The following PRR12 variants were observed in gnomAD, a reference collection of about 807,000 sequenced individuals.
The protein encoded by PRR12 is proline-rich protein 12.
In PRR12, 12 loss-of-function variants were observed where a neutral mutation model predicts 138.0. The observed-to-expected ratio is 0.09, with a 90% CI of 0.06 to 0.14. The LOEUF (loss-of-function observed/expected upper bound fraction) is 0.14. Ranked by LOEUF, PRR12 falls within the 10% of genes least tolerant of loss-of-function variation. PRR12 has a pLI of 1.00. For synonymous variants in PRR12, 1,567 were observed against 1,291.7 expected (o/e 1.21, Z -4.57); for missense variants, 2,692 against 2,861.3 (o/e 0.94, Z 1.35).
In PRR12 at chr19:49,624,311, GT is replaced by G. The variant is rs1568433286; in HGVS notation, c.5722-532del. Among the ~76,000 whole-genome samples the G allele has an allele frequency of 2.8e-3, 398 of 142,830 alleles. 8 individuals carry two copies. Among genetic ancestry groups the G allele is most frequent in the African/African-American group, 8.7e-3 (324 of 37,278 alleles). The allele number at this position is 142,830 out of a possible 152,430, so 93.7% of individuals were successfully genotyped here. The stretch of plus-strand genomic sequence containing the variant: ...AATTCTGGGGTAGGTGGTTAGGATG[GT>G]GCTGAGAATTCTGGGGTAGGTGGTT... On this transcript the variant is annotated intron_variant, in intron 11 of 13. Transcript: ENST00000418929.
Position 49,597,336 on chromosome 19 carries a change from G to T in PRR12, c.3001G>T (p.Ala1001Ser). Residue 1001 changes from alanine (A) to serine (S), a missense_variant, in exon 4 of 14, where the codon GCC becomes TCC. By Grantham distance (99) the Ala-to-Ser change is moderately conservative. This residue lies in a region of PRR12 where 840 missense variants were observed against 689.8 expected (regional missense o/e 1.22). Coordinates refer to ENST00000418929, the MANE Select transcript of PRR12 (RefSeq NM_020719.3). This position sits in a 1 kb window ranked among gnomAD's most constrained non-coding sequence, Gnocchi z 6.3. ...GPYCPGRASGAGPETPGLGLD... is the reference protein window; with the variant it reads ...GPYCPGRASGSGPETPGLGLD... The stretch of plus-strand genomic sequence containing the variant: ...CTACTGTCCTGGCCGGGCGTCGGGA[G>T]CCGGGCCCGAGACACCGGGCCTGGG... 1 of 1,542,540 alleles carries T rather than the reference G, an allele frequency of 6.5e-7. No individual in the cohort carries two copies. The highest frequency in any genetic ancestry group is 1.2e-5 in the South Asian group (1 of 84,214).
Position 49,596,620 on chromosome 19 carries a change from A to T in PRR12, c.2285A>T (p.Lys762Met). Residue 762 changes from lysine to methionine, a missense_variant, in exon 4 of 14, where the codon AAG (lysine) becomes ATG (methionine). Lys to Met is a moderately conservative substitution (Grantham distance 95). This residue lies in a region of PRR12 where 840 missense variants were observed against 689.8 expected (regional missense o/e 1.22). Transcript: ENST00000418929. This position sits in a 1 kb window ranked among gnomAD's most constrained non-coding sequence, Gnocchi z 5.6. The stretch of plus-strand genomic sequence containing the variant: ...AAGGAGCTGGGGGCCTTCTTGCAAA[A>T]GAGCCCTCCGCCCCCACCTCCCACG... Reference protein sequence around the residue: ...GAKELGAFLQKSPPPPPPTAQ... With the variant: ...GAKELGAFLQMSPPPPPPTAQ... 1 of 1,593,318 alleles carries T rather than the reference A, an allele frequency of 6.3e-7. No individual in the cohort carries two copies. The highest frequency in any genetic ancestry group is 1.1e-5 in the South Asian group (1 of 88,848).
intron 6 of PRR12, among the ~76,000 whole-genome samples, chr19:49,604,279 G>C (rs2080827178): frequency 6.6e-6 from 1 of 151,552 alleles, no homozygotes; most frequent in Non-Finnish European, 1.5e-5. Context: ...GAGGTGAGAG[G>C]CTCACTTGAG....
Position 49,616,393 on chromosome 19 carries a change from A to G in PRR12, c.5497+174A>G, listed in dbSNP as rs2080893549. 6.6e-6 allele frequency among the ~76,000 whole-genome samples: 1 copy of G among 152,084 alleles called. No individual in the cohort carries two copies. Among genetic ancestry groups the G allele is most frequent in the Admixed American group, 6.6e-5 (1 of 15,260 alleles). ...TCACTACACGACAGGCTGCCTCCTGAGAAGCTGATGGATGTTAACTTGTGT... is the reference window on the plus strand; with the variant it reads ...TCACTACACGACAGGCTGCCTCCTGGGAAGCTGATGGATGTTAACTTGTGT... On this transcript the variant is annotated intron_variant, in intron 9 of 13. Transcript: ENST00000418929. The surrounding 1 kb of genome is among the most constrained non-coding windows in gnomAD (Gnocchi z 4.2).
intron 11 of PRR12, among the ~76,000 whole-genome samples, chr19:49,622,039 C>T (rs1030974671): frequency 2.0e-5 from 3 of 148,254 alleles, no homozygotes; most frequent in Admixed American, 1.3e-4. Flanking sequence ...AATATCAGGG[C>T]TCTGAAATCC....
intron 11 of PRR12, 188 bp downstream of exon 11, chr19:49,621,810 T>G: frequency 1.7e-6 from 1 of 589,452 alleles, no homozygotes; most frequent in Non-Finnish European, 3.0e-6. Flanking sequence ...GAAGCCCATG[T>G]GGGGAGGAGC....
In PRR12 at chr19:49,595,055, C is replaced by T. The variant is rs1207078925; in HGVS notation, c.720C>T (p.His240=). The part of the protein sequence containing the change: ...GPPDPPPPPR[H]LPTQFNLLAS... The stretch of plus-strand genomic sequence containing the variant: ...CAGACCCACCACCACCTCCTCGCCA[C>T]CTCCCAACTCAGTTCAACCTGCTGG... Residue 240 remains histidine (H), a synonymous_variant, in exon 4 of 14, where the codon CAC becomes CAT. Transcript: ENST00000418929. 1.2e-6 allele frequency: 2 copies of T among 1,611,496 alleles called. No individual in the cohort carries two copies. The highest frequency in any genetic ancestry group is 2.2e-5 in the East Asian group (1 of 44,814).
chr19:49,625,787 C>G lies in PRR12; in HGVS notation c.*180C>G, dbSNP rs2080952124. ...AGTCCGACTCCCCCCCTCTCCCAAG[C>G]CCCCTCCACTCCCTCCCCATTCCTC... On this transcript the variant is annotated 3_prime_UTR_variant, in exon 14 of 14. Coordinates refer to ENST00000418929, the MANE Select transcript of PRR12 (RefSeq NM_020719.3). The surrounding 1 kb of genome is among the most constrained non-coding windows in gnomAD (Gnocchi z 5.5). The G allele has an allele frequency of 3.2e-6, 2 of 624,724 alleles. No homozygotes were observed. The highest frequency in any genetic ancestry group is 3.7e-5 in the Admixed American group (1 of 27,266). 38.7% of individuals were successfully genotyped at this position (624,724 alleles called of 1,614,324 possible). A position where few individuals can be genotyped will look rare whatever the true frequency, so the allele number is the denominator to read the frequency against.
intron 6 of PRR12, among the ~76,000 whole-genome samples, chr19:49,604,225 G>A (rs980205361): frequency 3.3e-5 from 5 of 152,002 alleles, no homozygotes; most frequent in African/African-American, 7.3e-5. Flanking sequence ...AGAGCAGGCC[G>A]GGAGTGGTGG....
At chr19:49,592,602 C>T (rs1001586817) in intron 1 of PRR12, among the ~76,000 whole-genome samples, 1 of 152,132 alleles carries the variant, frequency 6.6e-6, no homozygotes, top group Non-Finnish European at 1.5e-5. Context: ...CAGGGCATAA[C>T]CCCAAGTGTG....
In PRR12 at chr19:49,601,741, C is replaced by T. The variant is rs2080812737; in HGVS notation, c.4596C>T (p.Ala1532=). 3.9e-6 allele frequency: 6 copies of T among 1,555,112 alleles called. No homozygotes were observed. The highest frequency in any genetic ancestry group is 4.3e-6 in the Non-Finnish European group (5 of 1,152,494). The change falls in exon 6 of 14, where the codon GCC becomes GCT. Residue 1532 remains alanine (A), a synonymous_variant. Transcript: ENST00000418929. ...CTGCTCCTCCTGAGGAGCCCGCCGC[C>T]CCGTCTCCCGAAGACCCCGAGCTGC... ...PLAAPPEEPA[A]PSPEDPELPD...
intron 1 of PRR12, among the ~76,000 whole-genome samples, chr19:49,592,085 G>A (rs1599781952): frequency 7.5e-6 from 1 of 133,814 alleles, no homozygotes; most frequent in Admixed American, 7.5e-5. Flanking sequence ...CCTCCCCCCC[G>A]CGCCCCAGGC....
intron 11 of PRR12, among the ~76,000 whole-genome samples, chr19:49,624,398 ATAGT>A (rs1249218654): frequency 2.9e-4 from 29 of 100,890 alleles, no homozygotes; most frequent in South Asian, 1.4e-3. Flanking sequence ...TCTGGGATAG[ATAGT>A]TAGGATGGGG....
At chr19:49,610,409 G>T (rs2080859923) in intron 6 of PRR12, among the ~76,000 whole-genome samples, 1 of 152,146 alleles carries the variant, frequency 6.6e-6, no homozygotes, top group Non-Finnish European at 1.5e-5. Context: ...GATTGGTTCT[G>T]CTCAGCCTAT....
chr19:49,597,050 G>C lies in PRR12; in HGVS notation c.2715G>C (p.Glu905Asp), dbSNP rs1488019498. The change falls in exon 4 of 14, where the codon GAG (glutamate) becomes GAC (aspartate). Residue 905 changes from glutamate (E) to aspartate (D), a missense_variant. Glu to Asp is a conservative substitution (Grantham distance 45). This residue lies in a region of PRR12 where 840 missense variants were observed against 689.8 expected (regional missense o/e 1.22). Coordinates refer to ENST00000418929, the MANE Select transcript of PRR12 (RefSeq NM_020719.3). The surrounding 1 kb of genome is among the most constrained non-coding windows in gnomAD (Gnocchi z 6.3). ...CTGGCGTAGGCCCACCAAACTCGGA[G>C]GGCAAGGATCCCGCAGGCGCCTACC... ...GDTGVGPPNS[E>D]GKDPAGAYRS... is the part of the protein sequence containing the mutation. 6.4e-7 allele frequency: 1 copy of C among 1,554,604 alleles called. No individual in the cohort carries two copies. Among genetic ancestry groups the C allele is most frequent in the Admixed American group, 1.9e-5 (1 of 51,336 alleles).
chr19:49,620,507 G>A (rs993352550), intron 10 of PRR12, 30 bp downstream of exon 10: 18 of 1,521,082 alleles, frequency 1.2e-5, no homozygotes, highest in African/African-American at 2.7e-5. Flanking sequence ...GGAGGGGGGG[G>A]GGCTGACTCG....
At chr19:49,612,751 A>G (rs1250905197) in intron 6 of PRR12, among the ~76,000 whole-genome samples, 2 of 151,618 alleles carry the variant, frequency 1.3e-5, no homozygotes, top group African/African-American at 4.8e-5. Context: ...TGCAACCTCC[A>G]CCTCCCGGGT....
chr19:49,598,160 G>A lies in PRR12; in HGVS notation c.3678+147G>A, dbSNP rs190952513. 361 of 953,700 alleles carry A rather than the reference G, an allele frequency of 3.8e-4. 6 individuals carry two copies. The East Asian group carries it at 7.9e-3, about 21-fold the overall frequency. The allele number at this position is 953,700 out of a possible 1,614,324, so 59.1% of individuals were successfully genotyped here. A position where few individuals can be genotyped will look rare whatever the true frequency, so the allele number is the denominator to read the frequency against. ...ACGATCTCGGTTCACTGCAAGCTCCGCCTCCCGGGTTCACGCCATTCTCCT... is the reference window on the plus strand; with the variant it reads ...ACGATCTCGGTTCACTGCAAGCTCCACCTCCCGGGTTCACGCCATTCTCCT... On this transcript the variant is annotated intron_variant, in intron 4 of 13. Transcript: ENST00000418929.
chr19:49,624,946 C>T lies in PRR12; in HGVS notation c.5824C>T (p.Arg1942Cys). ...GCGGCCTGCTGGGGAACCCTACAAC[C>T]GCAAGACGCTCAGCAAGCTCAAGAG... ...RLRPAGEPYN[R>C]KTLSKLKRSV... The change falls in exon 12 of 14, where the codon CGC becomes TGC. Residue 1942 changes from arginine to cysteine, a missense_variant. Around this residue, in one of 11 missense-constraint regions of PRR12, gnomAD observed 116 missense variants for 243.4 expected, o/e 0.48. Coordinates refer to ENST00000418929, the MANE Select transcript of PRR12 (RefSeq NM_020719.3). The T allele has an allele frequency of 4.4e-6, 7 of 1,597,052 alleles. No individual in the cohort carries two copies. The highest frequency in any genetic ancestry group is 6.0e-6 in the Non-Finnish European group (7 of 1,170,526).
Sources: allele counts gnomAD v4.1 joint callset (sites outside exome capture counted in the v4.1 genomes callset), GRCh38; gene constraint gnomAD v4.1.1; regional missense constraint gnomAD v4.1.1; non-coding constraint Gnocchi (gnomAD v3.1); transcripts MANE v1.5; gene names NCBI Gene and HGNC (gene_info 2026-07-23, HGNC 2026-07-21).